The following GRIA4 variants were observed in gnomAD, a reference collection of about 807,000 sequenced individuals.
The protein encoded by GRIA4 is glutamate ionotropic receptor AMPA type subunit 4.
Under a neutral mutation model 104.0 loss-of-function variants are expected in GRIA4, and 34 were observed. The observed-to-expected ratio is 0.33, with a 90% CI of 0.25 to 0.44. GRIA4 has a LOEUF of 0.44. Among genes scored for constraint, GRIA4 ranks in the 20% least tolerant of loss-of-function variants. GRIA4 has a pLI of 1.00. For synonymous variants in GRIA4, 386 were observed against 381.9 expected (o/e 1.01, Z -0.13); for missense variants, 750 against 1,096.5 (o/e 0.68, Z 4.46).
intron 3 of GRIA4, among the ~76,000 whole-genome samples, chr11:105,724,416 A>AAC (rs57390957): frequency 1 from 151,284 of 151,454 alleles, 75,557 homozygotes; most frequent in East Asian, 1. Context: ...TGTGCACACA[A>AAC]ACACACACAC....
intron 6 of GRIA4, among the ~76,000 whole-genome samples, chr11:105,894,791 A>ATTTTTTTTTTTTTT (rs569292239): frequency 7.9e-6 from 1 of 126,386 alleles, no homozygotes; most frequent in African/African-American, 3.2e-5. Context: ...ATTGCTACAT[A>ATTTTTTTTTTTTTT]TTTTTTTTTT....
chr11:105,940,768 T>G (rs554081663), intron 14 of GRIA4, among the ~76,000 whole-genome samples: 1 of 152,240 alleles, frequency 6.6e-6, no homozygotes, highest in East Asian at 1.9e-4. Flanking sequence ...TTAGCTTCCT[T>G]TTGTCTCTAA....
intron 3 of GRIA4, 56 bp downstream of exon 3, chr11:105,612,490 G>A: frequency 7.5e-7 from 1 of 1,338,094 alleles, no homozygotes; most frequent in Middle Eastern, 1.9e-4. Flanking sequence ...AAGCAATGGA[G>A]TCCTCTTCCT....
At chr11:105,736,840 C>G (rs975640154) in intron 3 of GRIA4, among the ~76,000 whole-genome samples, 3 of 151,804 alleles carry the variant, frequency 2.0e-5, no homozygotes, top group African/African-American at 7.3e-5. Flanking sequence ...AGTTTTAATG[C>G]CTTTAAGATT....
intron 3 of GRIA4, among the ~76,000 whole-genome samples, chr11:105,687,902 A>G (rs1424045004): frequency 6.6e-6 from 1 of 152,206 alleles, no homozygotes; most frequent in Non-Finnish European, 1.5e-5. Context: ...ATGATTATCA[A>G]TTTTATTTAT....
chr11:105,713,053 G>A (rs933570881), intron 3 of GRIA4, among the ~76,000 whole-genome samples: 1 of 151,894 alleles, frequency 6.6e-6, no homozygotes, highest in Admixed American at 6.6e-5. Context: ...TTAAGTCATG[G>A]TAGGTTGATA....
chr11:105,973,229 A>G lies in GRIA4; in HGVS notation c.2410-1081A>G, dbSNP rs144920508. 4.6e-5 allele frequency among the ~76,000 whole-genome samples: 7 copies of G among 152,298 alleles called. No individual in the cohort carries two copies. In the East Asian group the frequency reaches 1.3e-3, roughly 29 times the overall value. ...CATCTTTTGAGTTAAATACTCTCCT[A>G]TAAAACTCGTTAAGGGTCTGAATCA... is the stretch of plus-strand genomic sequence containing the variant. On this transcript the variant is annotated intron_variant, in intron 15 of 16. Coordinates refer to ENST00000282499, the MANE Select transcript of GRIA4 (RefSeq NM_000829.4).
chr11:105,952,149 G>C (rs1948470412), intron 14 of GRIA4, among the ~76,000 whole-genome samples: 1 of 152,068 alleles, frequency 6.6e-6, no homozygotes, highest in Non-Finnish European at 1.5e-5. Context: ...TTAATAGACA[G>C]ACTTAGAAGT....
chr11:105,930,338 C>T (rs1947837023), intron 13 of GRIA4, among the ~76,000 whole-genome samples: 1 of 152,000 alleles, frequency 6.6e-6, no homozygotes, highest in South Asian at 2.1e-4. Flanking sequence ...ACAAACCAGG[C>T]TAATTTCTTT....
At chr11:105,863,889 C>G (rs1945315390) in intron 5 of GRIA4, among the ~76,000 whole-genome samples, 1 of 152,162 alleles carries the variant, frequency 6.6e-6, no homozygotes, top group Admixed American at 6.5e-5. Context: ...ATTGGCACAC[C>G]TGGGTGCTTT....
intron 11 of GRIA4, among the ~76,000 whole-genome samples, chr11:105,922,893 T>C (rs372395917): frequency 9.9e-5 from 15 of 152,234 alleles, no homozygotes; most frequent in African/African-American, 3.6e-4. Context: ...TAACAAAAAC[T>C]ATATACATAA....
At chr11:105,622,943 G>T (rs1242542959) in intron 3 of GRIA4, among the ~76,000 whole-genome samples, 1 of 151,120 alleles carries the variant, frequency 6.6e-6, no homozygotes, top group Non-Finnish European at 1.5e-5. Flanking sequence ...TGTAATATTT[G>T]ATTTTTCTGT....
rs775084017 is a variant in GRIA4, at chr11:105,753,066, C to A, written c.333C>A (p.Ser111Arg). Reference sequence around the variant, plus strand: ...TACATACCTTGACCTCATTCTGCAGCGCCTTACATATCTCCCTCATCACAC... The same window carrying A: ...TACATACCTTGACCTCATTCTGCAGAGCCTTACATATCTCCCTCATCACAC... Reference protein sequence around the residue: ...RSVHTLTSFCSALHISLITPS... With the variant: ...RSVHTLTSFCRALHISLITPS... Residue 111 changes from serine (S) to arginine (R), a missense_variant, in exon 4 of 17, where the codon AGC (serine) becomes AGA (arginine). This residue lies in a region of GRIA4 where 410 missense variants were observed against 502.7 expected (regional missense o/e 0.82). Coordinates refer to ENST00000282499, the MANE Select transcript of GRIA4 (RefSeq NM_000829.4). The A allele has an allele frequency of 1.2e-6, 2 of 1,613,704 alleles. No individual in the cohort carries two copies. The highest frequency in any genetic ancestry group is 1.3e-5 in the African/African-American group (1 of 74,978).
chr11:105,699,226 T>C (rs1953396809), intron 3 of GRIA4, among the ~76,000 whole-genome samples: 1 of 152,206 alleles, frequency 6.6e-6, no homozygotes, highest in Admixed American at 6.6e-5. Context: ...CTCTGTGCTA[T>C]GTGCTGCAAA....
chr11:105,628,818 T>C (rs1004006869), intron 3 of GRIA4, among the ~76,000 whole-genome samples: 1 of 152,188 alleles, frequency 6.6e-6, no homozygotes, highest in Non-Finnish European at 1.5e-5. Context: ...TTAACAGAAT[T>C]GATAAAATCA....
At chr11:105,931,376 T>C (rs982416139) in intron 13 of GRIA4, among the ~76,000 whole-genome samples, 2 of 151,954 alleles carry the variant, frequency 1.3e-5, no homozygotes, top group Non-Finnish European at 2.9e-5. Context: ...CTAAAAGATG[T>C]CAATTTCCCA....
intron 14 of GRIA4, among the ~76,000 whole-genome samples, chr11:105,944,383 T>C (rs1028322758): frequency 1.3e-5 from 2 of 152,120 alleles, no homozygotes; most frequent in Admixed American, 1.3e-4. Flanking sequence ...TCATTCTTGG[T>C]CTCCACTCTC....
chr11:105,759,229 T>C (rs1243792781), intron 4 of GRIA4, among the ~76,000 whole-genome samples: 1 of 152,196 alleles, frequency 6.6e-6, no homozygotes, highest in East Asian at 1.9e-4. Context: ...TAAATATTTA[T>C]CATTTTGATA....
intron 6 of GRIA4, among the ~76,000 whole-genome samples, chr11:105,895,279 G>GTGTGTGTGTT (rs1946612921): frequency 6.6e-6 from 1 of 151,750 alleles, no homozygotes; most frequent in African/African-American, 2.4e-5. Flanking sequence ...GTGTGTGTGT[G>GTGTGTGTGTT]TATGTGATTT....
Sources: gnomAD v4.1 joint callset for allele counts (sites outside exome capture counted in the v4.1 genomes callset) on GRCh38, gnomAD v4.1.1 for gene constraint, gnomAD v4.1.1 regional missense constraint, MANE v1.5 for transcripts, NCBI Gene and HGNC (gene_info 2026-07-23, HGNC 2026-07-21) for gene names.